PTPRD: variants seen among roughly 807,000 people sequenced by gnomAD.
The protein encoded by PTPRD is protein tyrosine phosphatase receptor type D.
A neutral mutation model predicts 214.5 loss-of-function variants in PTPRD; 34 were observed. The ratio of observed to expected loss-of-function variants is 0.16; its 90% CI spans 0.12 to 0.21. The LOEUF is 0.21. Among genes scored for constraint, PTPRD ranks in the 10% least tolerant of loss-of-function variants. The pLI, the probability that PTPRD is intolerant of heterozygous loss-of-function variation, is 1.00. For missense variants in PTPRD, 2,545 were observed against 2,398.7 expected, an observed-to-expected ratio of 1.06 and a Z score of -1.27; for synonymous variants, 1,128 against 845.7, an observed-to-expected ratio of 1.33 and a Z score of -5.79.
chr9:8,774,577 C>A (rs1372929200), intron 11 of PTPRD, among the ~76,000 whole-genome samples: 1 of 129,648 alleles, frequency 7.7e-6, no homozygotes, highest in East Asian at 2.1e-4. Flanking sequence ...TCTTGTTGCC[C>A]AGGCTGGAGT....
At chr9:8,350,305 A>C (rs2075092060) in intron 39 of PTPRD, among the ~76,000 whole-genome samples, 1 of 152,180 alleles carries the variant, frequency 6.6e-6, no homozygotes, top group Non-Finnish European at 1.5e-5. Context: ...CTGGCAAAGA[A>C]AGACAATAGA....
In PTPRD at chr9:10,302,424, C is replaced by T. The variant is rs753311498; in HGVS notation, c.-545+38539G>A. 5.9e-5 allele frequency among the ~76,000 whole-genome samples: 9 copies of T among 152,108 alleles called. 1 individual carries two copies. Among genetic ancestry groups the T allele is most frequent in the African/African-American group, 1.9e-4 (8 of 41,516 alleles). ...CAAATTCACACATAACAATATTAAC[C>T]GTAAATGTAAATGGGCTATGCCCCA... On this transcript the variant is annotated intron_variant, in intron 3 of 45. Transcript: ENST00000381196.
At chr9:8,885,416 G>T (rs1307760180) in intron 11 of PTPRD, among the ~76,000 whole-genome samples, 1 of 151,386 alleles carries the variant, frequency 6.6e-6, no homozygotes, top group African/African-American at 2.4e-5. Context: ...ACAAGTAAAG[G>T]ACAGAATCTG....
intron 3 of PTPRD, among the ~76,000 whole-genome samples, chr9:10,170,291 A>C (rs963602437): frequency 5.9e-5 from 9 of 152,158 alleles, no homozygotes; most frequent in African/African-American, 1.9e-4. Context: ...AAGAACTGGC[A>C]AGGTCCCTTC....
chr9:10,374,795 T>C (rs746471623), intron 2 of PTPRD, among the ~76,000 whole-genome samples: 1 of 152,018 alleles, frequency 6.6e-6, no homozygotes, highest in Non-Finnish European at 1.5e-5. Flanking sequence ...AATCAGTTAA[T>C]TTTGGTGGGG....
At chr9:8,649,439 G>C (rs1407559591) in intron 12 of PTPRD, among the ~76,000 whole-genome samples, 1 of 152,154 alleles carries the variant, frequency 6.6e-6, no homozygotes, top group Admixed American at 6.5e-5. Context: ...CTGCACACTG[G>C]TTAAGTTGGC....
At chr9:8,853,687 T>C (rs1236782414) in intron 11 of PTPRD, among the ~76,000 whole-genome samples, 2 of 152,198 alleles carry the variant, frequency 1.3e-5, no homozygotes, top group Admixed American at 6.5e-5. Context: ...AGTTGATGTG[T>C]TACATAGGAA....
At chr9:8,791,523 C>CTTTTT (rs34501354) in intron 11 of PTPRD, among the ~76,000 whole-genome samples, 2 of 86,698 alleles carry the variant, frequency 2.3e-5, no homozygotes, top group African/African-American at 4.3e-5. Context: ...CATGCCCAGA[C>CTTTTT]TTTTTTTTTT....
chr9:8,529,838 C>T (rs552078162), intron 14 of PTPRD, among the ~76,000 whole-genome samples: 6 of 152,188 alleles, frequency 3.9e-5, no homozygotes, highest in South Asian at 2.1e-4. Flanking sequence ...ATATGCACAA[C>T]GTGCAGGTTT....
intron 3 of PTPRD, among the ~76,000 whole-genome samples, chr9:10,283,849 A>G (rs920484345): frequency 6.6e-6 from 1 of 152,130 alleles, no homozygotes; most frequent in African/African-American, 2.4e-5. Flanking sequence ...GTTATCTGCC[A>G]TTCTGAAACT....
intron 8 of PTPRD, among the ~76,000 whole-genome samples, chr9:9,433,216 C>T (rs140958534): frequency 6.6e-6 from 1 of 152,238 alleles, no homozygotes; most frequent in Non-Finnish European, 1.5e-5. Context: ...TTTTGAAGGA[C>T]TCGAGATGCC....
chr9:9,493,806 A>AAAAAGAAAAG (rs1555480380), intron 8 of PTPRD, among the ~76,000 whole-genome samples: 2 of 143,688 alleles, frequency 1.4e-5, no homozygotes, highest in Admixed American at 7.1e-5. Context: ...AAAAAAAAAA[A>AAAAAGAAAAG]AAAAGAAAAG....
intron 10 of PTPRD, among the ~76,000 whole-genome samples, chr9:9,095,949 A>G (rs1035444500): frequency 3.3e-5 from 5 of 152,208 alleles, no homozygotes; most frequent in East Asian, 1.9e-4. Context: ...GCCATTTGCC[A>G]TAACAAAGAT....
rs185821890 is a variant in PTPRD, at chr9:10,331,537, T to C, written c.-545+9426A>G. On this transcript the variant is annotated intron_variant, in intron 3 of 45. Transcript: ENST00000381196. ...TAGTTAAATAGTAAGAGATGGTTCATAAAGAATTTGGTGCTGAAAGTGGAG... is the reference window on the plus strand; with the variant it reads ...TAGTTAAATAGTAAGAGATGGTTCACAAAGAATTTGGTGCTGAAAGTGGAG... 6.6e-5 allele frequency among the ~76,000 whole-genome samples: 10 copies of C among 151,922 alleles called. No homozygotes were observed. The East Asian group carries it at 2.0e-3, about 30-fold the overall frequency.
intron 6 of PTPRD, among the ~76,000 whole-genome samples, chr9:9,754,461 G>T (rs2098550080): frequency 6.6e-6 from 1 of 152,062 alleles, no homozygotes; most frequent in Non-Finnish European, 1.5e-5. Context: ...ACAGCTCAGT[G>T]ATTCCATCTC....
chr9:8,514,198 C>T (rs542216115), intron 21 of PTPRD, among the ~76,000 whole-genome samples: 4 of 152,092 alleles, frequency 2.6e-5, no homozygotes, highest in Non-Finnish European at 4.4e-5. Flanking sequence ...CTGTCTACTT[C>T]AACATTACTT....
chr9:9,389,153 T>C (rs2064931401), intron 9 of PTPRD, among the ~76,000 whole-genome samples: 1 of 152,146 alleles, frequency 6.6e-6, no homozygotes, highest in Admixed American at 6.5e-5. Flanking sequence ...GTAAAACATG[T>C]AAAATAGGGG....
intron 10 of PTPRD, among the ~76,000 whole-genome samples, chr9:9,103,919 G>A (rs892260193): frequency 3.3e-5 from 5 of 152,094 alleles, no homozygotes; most frequent in African/African-American, 1.2e-4. Flanking sequence ...GGAGGCAGAG[G>A]TTGCAGCGAG....
At chr9:9,749,512 G>T (rs1237995491) in intron 6 of PTPRD, among the ~76,000 whole-genome samples, 2 of 152,074 alleles carry the variant, frequency 1.3e-5, no homozygotes, top group Non-Finnish European at 2.9e-5. Flanking sequence ...AACACTGGAT[G>T]ACATTATCAG....
Sources: allele counts gnomAD v4.1 joint callset (sites outside exome capture counted in the v4.1 genomes callset), GRCh38; gene constraint gnomAD v4.1.1; transcripts MANE v1.5; gene names NCBI Gene and HGNC (gene_info 2026-07-23, HGNC 2026-07-21).